The following AGPAT3 variants were observed in gnomAD, a reference collection of about 807,000 sequenced individuals.
AGPAT3 encodes the protein 1-acyl-sn-glycerol-3-phosphate acyltransferase gamma.
A neutral mutation model predicts 47.3 loss-of-function variants in AGPAT3; 5 were observed. The ratio of observed to expected loss-of-function variants is 0.11; its 90% CI spans 0.06 to 0.22. AGPAT3 has a LOEUF of 0.22. Among genes scored for constraint, AGPAT3 ranks in the 10% least tolerant of loss-of-function variants. The pLI is 1.00. For missense variants in AGPAT3, 315 were observed against 493.0 expected (o/e 0.64, Z 3.42); for synonymous variants, 212 against 208.3 (o/e 1.02, Z -0.15).
At position 43,879,227 on chromosome 21, in the gene AGPAT3, G is replaced by C. The variant is rs141781785; in HGVS notation, c.-112+13882G>C. ...TAGCTGGGTGTGGCAGTGCGTGCCTGTAATCCCAGCTTCTCAGAAGGCTGA... is the reference window on the plus strand; with the variant it reads ...TAGCTGGGTGTGGCAGTGCGTGCCTCTAATCCCAGCTTCTCAGAAGGCTGA... On this transcript the variant is annotated intron_variant, in intron 1 of 9. Transcript: ENST00000291572. Among the ~76,000 whole-genome samples, 84 of 151,924 alleles carry C rather than the reference G, an allele frequency of 5.5e-4. 1 individual carries two copies. The highest frequency in any genetic ancestry group is 1.9e-3 in the African/African-American group (77 of 41,406).
chr21:43,928,633 C>T (rs911395003), intron 2 of AGPAT3, among the ~76,000 whole-genome samples: 5 of 152,222 alleles, frequency 3.3e-5, no homozygotes, highest in South Asian at 2.1e-4. Context: ...TTTTAGTAAT[C>T]GTGATAATTG....
At chr21:43,969,324 C>G (rs112366849) in intron 5 of AGPAT3, 45 bp downstream of exon 5, 1 of 1,605,962 alleles carries the variant, frequency 6.2e-7, no homozygotes, top group African/African-American at 1.3e-5. Flanking sequence ...CTGGAGGAGG[C>G]CACGCCAACT....
Position 43,981,380 on chromosome 21 carries a change from T to TC in AGPAT3, c.1042+197dup. 1 of 654,344 alleles carries TC rather than the reference T, an allele frequency of 1.5e-6. No homozygotes were observed. The allele number at this position is 654,344 out of a possible 1,614,324, so 40.5% of individuals were successfully genotyped here. On this transcript the variant is annotated intron_variant, in intron 9 of 9. Coordinates refer to ENST00000291572, the MANE Select transcript of AGPAT3 (RefSeq NM_020132.5). This position sits in a 1 kb window ranked among gnomAD's most constrained non-coding sequence, Gnocchi z 5.3. ...TTCTTGCACTGAGCTGAGGGTCGCC[T>TC]CCCCAGAGAGCCGAACGGCCGCCAC...
At position 43,952,374 on chromosome 21, in the gene AGPAT3, A is replaced by C. The variant is rs777785385; in HGVS notation, c.-48-7260A>C. Among the ~76,000 whole-genome samples, 2 of 152,142 alleles carry C rather than the reference A, an allele frequency of 1.3e-5. No homozygotes were observed. The highest frequency in any genetic ancestry group is 1.5e-5 in the Non-Finnish European group (1 of 68,020). On this transcript the variant is annotated intron_variant, in intron 2 of 9. Transcript: ENST00000291572. This position sits in a 1 kb window ranked among gnomAD's most constrained non-coding sequence, Gnocchi z 5.6. The stretch of plus-strand genomic sequence containing the variant: ...AGGCCCTGTCTCCAAATAAGGTCAC[A>C]TTTCGAGGACCTGGGCATTACCTTT...
chr21:43,967,724 C>G (rs2089199809), intron 3 of AGPAT3: 3 of 534,926 alleles, frequency 5.6e-6, no homozygotes, highest in South Asian at 4.9e-5. Flanking sequence ...AGTGGCGGTT[C>G]TCTCCCTTTC....
At chr21:43,877,379 C>T (rs968348974) in intron 1 of AGPAT3, among the ~76,000 whole-genome samples, 1 of 152,096 alleles carries the variant, frequency 6.6e-6, no homozygotes, top group African/African-American at 2.4e-5. Flanking sequence ...AGTTAAAGGG[C>T]ATGTGAGGTT....
chr21:43,982,550 G>A lies in AGPAT3; in HGVS notation c.*158G>A. The A allele has an allele frequency of 3.6e-6, 2 of 555,490 alleles. No individual in the cohort carries two copies. The highest frequency in any genetic ancestry group is 3.1e-6 in the Non-Finnish European group (1 of 317,652). The allele number at this position is 555,490 out of a possible 1,614,324, so 34.4% of individuals were successfully genotyped here. On this transcript the variant is annotated 3_prime_UTR_variant, in exon 10 of 10. Coordinates refer to ENST00000291572, the MANE Select transcript of AGPAT3 (RefSeq NM_020132.5). The surrounding 1 kb of genome is among the most constrained non-coding windows in gnomAD (Gnocchi z 6.2). ...TGAGCCAAGAGTAAAGAATTCAGAA[G>A]GCCTGTCAGGTGAAGTCTTCAGCCT...
chr21:43,881,626 A>G (rs556730483), intron 1 of AGPAT3, among the ~76,000 whole-genome samples: 1 of 152,324 alleles, frequency 6.6e-6, no homozygotes, highest in South Asian at 2.1e-4. Context: ...AAATGATAAT[A>G]TTTTGGATAT....
chr21:43,971,339 C>T (rs557903282), intron 6 of AGPAT3, 49 bp from the exon 7 acceptor site: 1 of 1,557,948 alleles, frequency 6.4e-7, no homozygotes, highest in Non-Finnish European at 8.9e-7. Flanking sequence ...TGGCAGTGAC[C>T]ATGCAGCCGC....
chr21:43,985,228 C>T lies in AGPAT3; in HGVS notation c.*2836C>T, dbSNP rs972683938. On this transcript the variant is annotated 3_prime_UTR_variant, in exon 10 of 10. Transcript: ENST00000291572. Reference sequence around the variant, plus strand: ...CATTGCTGTCTTCATCGTCTTCCCCCGTGTGAGACACTGGTTGTCTGGTAC... The same window carrying T: ...CATTGCTGTCTTCATCGTCTTCCCCTGTGTGAGACACTGGTTGTCTGGTAC... 2.4e-5 allele frequency: 11 copies of T among 456,162 alleles called. No individual in the cohort carries two copies. Among genetic ancestry groups the T allele is most frequent in the Non-Finnish European group, 4.0e-5 (9 of 226,974 alleles). 28.3% of individuals were successfully genotyped at this position (456,162 alleles called of 1,614,324 possible).
In AGPAT3 at chr21:43,985,269, C is replaced by A; in HGVS notation, c.*2877C>A. On this transcript the variant is annotated 3_prime_UTR_variant, in exon 10 of 10. Coordinates refer to ENST00000291572, the MANE Select transcript of AGPAT3 (RefSeq NM_020132.5). The stretch of plus-strand genomic sequence containing the variant: ...TGTCTGGTACTCGGCGACAGTGTAC[C>A]AGACGCGCACCCTATGTGAGGTGCT... 2.2e-6 allele frequency: 1 copy of A among 455,768 alleles called. No homozygotes were observed. Among genetic ancestry groups the A allele is most frequent in the South Asian group, 1.6e-5 (1 of 64,516 alleles). The allele number at this position is 455,768 out of a possible 1,614,324, so 28.2% of individuals were successfully genotyped here. A position where few individuals can be genotyped will look rare whatever the true frequency, so the allele number is the denominator to read the frequency against.
At position 43,933,167 on chromosome 21, in the gene AGPAT3, C is replaced by T. The variant is rs1195596412; in HGVS notation, c.-48-26467C>T. Among the ~76,000 whole-genome samples, 2 of 152,186 alleles carry T rather than the reference C, an allele frequency of 1.3e-5. No individual in the cohort carries two copies. The highest frequency in any genetic ancestry group is 2.9e-5 in the Non-Finnish European group (2 of 68,040). ...GCTTCTCCCTGATGGTTAATAATGC[C>T]GAACAGCTCTTCGTTAACCTGCTGG... On this transcript the variant is annotated intron_variant, in intron 2 of 9. Transcript: ENST00000291572. The surrounding 1 kb of genome is among the most constrained non-coding windows in gnomAD (Gnocchi z 6.0).
At chr21:43,901,386 A>G (rs1387457391) in intron 1 of AGPAT3, among the ~76,000 whole-genome samples, 1 of 152,034 alleles carries the variant, frequency 6.6e-6, no homozygotes, top group African/African-American at 2.4e-5. Flanking sequence ...TCCAGATGAT[A>G]GAGCTAGCAG....
At chr21:43,898,000 G>A (rs1032174378) in intron 1 of AGPAT3, among the ~76,000 whole-genome samples, 22 of 152,296 alleles carry the variant, frequency 1.4e-4, no homozygotes, top group East Asian at 7.7e-4. Flanking sequence ...GCATGGCGGC[G>A]CGCGCCTGCA....
At chr21:43,926,155 C>T (rs371912074) in intron 2 of AGPAT3, among the ~76,000 whole-genome samples, 7 of 152,206 alleles carry the variant, frequency 4.6e-5, no homozygotes, top group South Asian at 2.1e-4. Flanking sequence ...TGCCTTCTCC[C>T]GCTGGGTCAG....
chr21:43,967,906 A>T (rs1237213763), intron 3 of AGPAT3, 40 bp from the exon 4 acceptor site: 7 of 1,594,948 alleles, frequency 4.4e-6, no homozygotes, highest in Middle Eastern at 1.7e-4. Flanking sequence ...TCCCAGGAGG[A>T]GGGGTCCTAC....
chr21:43,914,011 G>T (rs577429297), intron 2 of AGPAT3, among the ~76,000 whole-genome samples: 1 of 152,188 alleles, frequency 6.6e-6, no homozygotes. Context: ...TCCAAAATTA[G>T]TAAGGACAGT....
chr21:43,890,152 C>G (rs530481808), intron 1 of AGPAT3, among the ~76,000 whole-genome samples: 112 of 152,250 alleles, frequency 7.4e-4, no homozygotes, highest in Non-Finnish European at 1.4e-3. Context: ...GGTGGGTTCT[C>G]ATAGTTTAAC....
At chr21:43,886,032 C>T (rs1419690664) in intron 1 of AGPAT3, among the ~76,000 whole-genome samples, 6 of 152,164 alleles carry the variant, frequency 3.9e-5, no homozygotes, top group Admixed American at 6.5e-5. Context: ...ACATGGCAAT[C>T]GTGATGCCAT....
Sources: gnomAD v4.1 joint callset for allele counts (sites outside exome capture counted in the v4.1 genomes callset) on GRCh38, gnomAD v4.1.1 for gene constraint, Gnocchi (gnomAD v3.1) non-coding constraint, MANE v1.5 for transcripts, NCBI Gene and HGNC (gene_info 2026-07-23, HGNC 2026-07-21) for gene names.